The following ELK1 variants were observed in gnomAD, a reference collection of about 807,000 sequenced individuals.
ELK1 encodes the protein ETS transcription factor ELK1.
For synonymous variants in ELK1, 163 were observed against 176.3 expected, an observed-to-expected ratio of 0.92 and a Z score of 0.60; for missense variants, 254 against 381.5, an observed-to-expected ratio of 0.67 and a Z score of 2.78.
chrX:47,650,549 G>T lies in ELK1; in HGVS notation c.-267C>A, dbSNP rs747220403. On this transcript the variant is annotated 5_prime_UTR_variant, in exon 1 of 7. Transcript: ENST00000376983. ...CGGTGGAGGTGGTGGTGGCGGTGGC[G>T]GCGGCAGCACCTAGAAGCCGCCCCT... is the stretch of plus-strand genomic sequence containing the variant. The T allele has an allele frequency of 9.3e-6, 3 of 322,786 alleles. 1 individual carries two copies. Among genetic ancestry groups the T allele is most frequent in the South Asian group, 7.9e-5 (3 of 37,837 alleles). The allele number at this position is 322,786 out of a possible 1,213,427, so 26.6% of individuals were successfully genotyped here. A position where few individuals can be genotyped will look rare whatever the true frequency, so the allele number is the denominator to read the frequency against.
chrX:47,640,139 C>G (rs909290820), intron 3 of ELK1, among the ~76,000 whole-genome samples: 20 of 111,627 alleles, frequency 1.8e-4, no homozygotes, highest in African/African-American at 5.2e-4. Context: ...GCTGGCTTTG[C>G]TGGGTCACAG....
chrX:47,639,414 G>A (rs2058021562), intron 3 of ELK1, 76 bp from the exon 4 acceptor site: 1 of 878,430 alleles, frequency 1.1e-6, no homozygotes. Context: ...GGGGGAGGAG[G>A]GGGGTGGAGT....
At chrX:47,641,531 G>C in intron 2 of ELK1, 56 bp from the exon 3 acceptor site, 1 of 894,702 alleles carries the variant, frequency 1.1e-6, no homozygotes, top group South Asian at 2.2e-5. Flanking sequence ...GCAGAGGTCA[G>C]CGGGAGGAGG....
intron 3 of ELK1, among the ~76,000 whole-genome samples, chrX:47,640,533 G>A (rs182231437): frequency 4.0e-4 from 45 of 111,213 alleles, no homozygotes; most frequent in Non-Finnish European, 7.0e-4. Flanking sequence ...TGGCCTGGGG[G>A]TCTGAGAGGG....
At position 47,641,533 on chromosome X, in the gene ELK1, G is replaced by A. The variant is rs754918135; in HGVS notation, c.-34-58C>T. On this transcript the variant is annotated intron_variant, in intron 2 of 6. Coordinates refer to ENST00000376983, the MANE Select transcript of ELK1 (RefSeq NM_001114123.3). ...GGACATAGGAGGGGCAGAGGTCAGC[G>A]GGAGGAGGATTCCTTTTTTTGTCAT... 1.1e-4 allele frequency: 102 copies of A among 888,935 alleles called. No individual in the cohort carries two copies. In the South Asian group the frequency reaches 1.3e-3, roughly 11 times the overall value. 73.3% of individuals were successfully genotyped at this position (888,935 alleles called of 1,213,427 possible).
In ELK1 at chrX:47,641,469, G is replaced by A; in HGVS notation, c.-28C>T. On this transcript the variant is annotated 5_prime_UTR_variant, in exon 3 of 7. Coordinates refer to ENST00000376983, the MANE Select transcript of ELK1 (RefSeq NM_001114123.3). ...CTGGGGGAGTGCTCACGCCATCCCA[G>A]GGGTACCTGGAGAGCAAACAGCTGA... 2.5e-6 allele frequency: 3 copies of A among 1,190,191 alleles called. No individual in the cohort carries two copies. Among genetic ancestry groups the A allele is most frequent in the Non-Finnish European group, 3.4e-6 (3 of 882,069 alleles).
In ELK1 at chrX:47,636,752, T is replaced by C; in HGVS notation, c.*77A>G. The C allele has an allele frequency of 1.0e-6, 1 of 958,674 alleles. No individual in the cohort carries two copies. The highest frequency in any genetic ancestry group is 1.4e-6 in the Non-Finnish European group (1 of 712,588). The allele number at this position is 958,674 out of a possible 1,213,427, so 79.0% of individuals were successfully genotyped here. On this transcript the variant is annotated 3_prime_UTR_variant, in exon 7 of 7. Transcript: ENST00000376983. ...GCATGAGTCTTTCAGTTGAACTATG[T>C]TTCTCCTTGAGATGGCTGGCTGGAG...
In ELK1 at chrX:47,639,042, C is replaced by T. The variant is rs775502265; in HGVS notation, c.507G>A (p.Pro169=). 3.3e-6 allele frequency: 4 copies of T among 1,202,029 alleles called. No individual in the cohort carries two copies. The highest frequency in any genetic ancestry group is 3.5e-5 in the African/African-American group (2 of 57,382). ...CAGGCCGAGGATGAGGGGGTGGCTG[C>T]GGCTGCAGAGACTGGATGGTGAAGG... ...YSTFTIQSLQ[P]QPPPHPRPAV... Residue 169 remains proline (P), a synonymous_variant, in exon 4 of 7, where the codon CCG becomes CCA. Coordinates refer to ENST00000376983, the MANE Select transcript of ELK1 (RefSeq NM_001114123.3).
chrX:47,638,254 C>T lies in ELK1; in HGVS notation c.655-72G>A, dbSNP rs1490888564. ...CCACAGGATTCTCCTGTGGGCCACCCAGTGATTTCCCCGGGAAGGTGGCAC... is the reference window on the plus strand; with the variant it reads ...CCACAGGATTCTCCTGTGGGCCACCTAGTGATTTCCCCGGGAAGGTGGCAC... On this transcript the variant is annotated intron_variant, in intron 4 of 6. Coordinates refer to ENST00000376983, the MANE Select transcript of ELK1 (RefSeq NM_001114123.3). The T allele has an allele frequency of 2.0e-5, 23 of 1,136,233 alleles. No homozygotes were observed. The East Asian group carries it at 7.0e-4, about 35-fold the overall frequency. 93.6% of individuals were successfully genotyped at this position (1,136,233 alleles called of 1,213,427 possible).
At chrX:47,638,405 C>T (rs1212569484) in intron 4 of ELK1, among the ~76,000 whole-genome samples, 2 of 112,539 alleles carry the variant, frequency 1.8e-5, no homozygotes, top group Non-Finnish European at 3.8e-5. Context: ...GGTGAGACAA[C>T]CTGAAGCGGG....
In ELK1 at chrX:47,636,932, G is replaced by C. The variant is rs2058010442; in HGVS notation, c.1189-5C>G. On this transcript the variant is annotated splice_region_variant and splice_polypyrimidine_tract_variant and intron_variant, in intron 6 of 6. Coordinates refer to ENST00000376983, the MANE Select transcript of ELK1 (RefSeq NM_001114123.3). ...GGCGCTGCCACTGGATGGAAACTGG[G>C]GGCAAAAAGAGGGAGAGGTCACAGA... is the stretch of plus-strand genomic sequence containing the variant. 8 of 1,183,404 alleles carry C rather than the reference G, an allele frequency of 6.8e-6. No individual in the cohort carries two copies. Among genetic ancestry groups the C allele is most frequent in the Non-Finnish European group, 9.1e-6 (8 of 881,019 alleles).
In ELK1 at chrX:47,637,764, G is replaced by A. The variant is rs1451309958; in HGVS notation, c.1073C>T (p.Pro358Leu). 3 of 1,191,268 alleles carry A rather than the reference G, an allele frequency of 2.5e-6. No homozygotes were observed. The highest frequency in any genetic ancestry group is 1.1e-6 in the Non-Finnish European group (1 of 884,535). Residue 358 changes from proline to leucine, a missense_variant, in exon 5 of 7, where the codon CCT (proline) becomes CTT (leucine). Transcript: ENST00000376983. ...GCAGGCACTCACCAATGTATGCGTA[G>A]GAAGCAGGGATGGGGTCAGCGCCGG... ...PGPALTPSLLPTHTLTPVLLT... is the reference protein window; with the variant it reads ...PGPALTPSLLLTHTLTPVLLT...
Position 47,637,967 on chromosome X carries a change from A to G in ELK1, c.870T>C (p.Val290=), listed in dbSNP as rs369027699. The G allele has an allele frequency of 9.4e-5, 113 of 1,207,268 alleles. No homozygotes were observed. The highest frequency in any genetic ancestry group is 1.3e-5 in the Non-Finnish European group (12 of 894,133). Residue 290 remains valine, a synonymous_variant, in exon 5 of 7, where the codon GTT becomes GTC. Transcript: ENST00000376983. ...CGCCCGCCTGCCCTGCGGTGTCCAT[A>G]ACAACCGCGGGCAGCCGGGCTGGCA... ...EGVPARLPAV[V]MDTAGQAGGH... is the part of the protein sequence containing the mutation.
chrX:47,647,978 G>T (rs1603094577), intron 2 of ELK1, among the ~76,000 whole-genome samples: 1 of 112,290 alleles, frequency 8.9e-6, no homozygotes, highest in African/African-American at 3.2e-5. Context: ...TTATACATGT[G>T]CCTTTGTATA....
At chrX:47,639,377 A>C in intron 3 of ELK1, 39 bp from the exon 4 acceptor site, 1 of 914,719 alleles carries the variant, frequency 1.1e-6, no homozygotes, top group Non-Finnish European at 1.5e-6. Flanking sequence ...CTTAGAGGAA[A>C]GGGGCAGGCT....
chrX:47,643,851 A>G (rs1034589361), intron 2 of ELK1, among the ~76,000 whole-genome samples: 2 of 111,780 alleles, frequency 1.8e-5, no homozygotes, highest in Admixed American at 1.9e-4. Flanking sequence ...TGGCAAAGCC[A>G]GCATTTGGAG....
In ELK1 at chrX:47,637,974, G is replaced by A. The variant is rs373267605; in HGVS notation, c.863C>T (p.Ala288Val). Residue 288 changes from alanine (A) to valine (V), a missense_variant, in exon 5 of 7, where the codon GCG becomes GTG. Coordinates refer to ENST00000376983, the MANE Select transcript of ELK1 (RefSeq NM_001114123.3). ...CTGCCCTGCGGTGTCCATAACAACC[G>A]CGGGCAGCCGGGCTGGCACGCCCTC... ...PQEGVPARLP[A>V]VVMDTAGQAG... 2 of 1,194,498 alleles carry A rather than the reference G, an allele frequency of 1.7e-6. No homozygotes were observed. Among genetic ancestry groups the A allele is most frequent in the African/African-American group, 3.5e-5 (2 of 56,418 alleles).
In ELK1 at chrX:47,637,980, A is replaced by G. The variant is rs1339450750; in HGVS notation, c.857T>C (p.Leu286Pro). 1 of 1,198,642 alleles carries G rather than the reference A, an allele frequency of 8.3e-7. No homozygotes were observed. The highest frequency in any genetic ancestry group is 1.1e-6 in the Non-Finnish European group (1 of 889,564). Residue 286 changes from leucine to proline, a missense_variant, in exon 5 of 7, where the codon CTG becomes CCG. Coordinates refer to ENST00000376983, the MANE Select transcript of ELK1 (RefSeq NM_001114123.3). ...TGCGGTGTCCATAACAACCGCGGGC[A>G]GCCGGGCTGGCACGCCCTCCTGTGG... ...VPPQEGVPAR[L>P]PAVVMDTAGQ...
chrX:47,637,192 C>T (rs760578996), intron 5 of ELK1, 78 bp from the exon 6 acceptor site: 15 of 987,289 alleles, frequency 1.5e-5, no homozygotes, highest in Non-Finnish European at 2.0e-5. Flanking sequence ...GTCCCGGCCC[C>T]ACCACAGATT....
Sources: gnomAD v4.1 joint callset for allele counts (sites outside exome capture counted in the v4.1 genomes callset) on GRCh38, gnomAD v4.1.1 for gene constraint, MANE v1.5 for transcripts, NCBI Gene and HGNC (gene_info 2026-07-23, HGNC 2026-07-21) for gene names.